ZNF883: variants seen among roughly 807,000 people sequenced by gnomAD.
The protein encoded by ZNF883 is zinc finger protein 883.
At chr9:112,996,790 CAAAAAAAAAAAAAAAAA>C (rs61714600), downstream of ZNF883, among the ~76,000 whole-genome samples, 2 of 52,106 alleles carry the variant, frequency 3.8e-5, no homozygotes, top group Admixed American at 3.3e-4. Flanking sequence ...GACTCCGTCT[CAAAAAAAAAAAAAAAAA>C]AAAAAAAAAA....
At chr9:113,001,182 A>G (rs1183974348), upstream of ZNF883, among the ~76,000 whole-genome samples, 1 of 151,194 alleles carries the variant, frequency 6.6e-6, no homozygotes, top group Admixed American at 6.6e-5. Context: ...GGAACTTAGG[A>G]TATTAGCTAC....
chr9:112,991,174 G>A (rs2093999), intron 1 of ZNF883, among the ~76,000 whole-genome samples: 51,239 of 151,842 alleles, frequency 0.34, 10,755 homozygotes, highest in African/African-American at 0.59. Context: ...TTTTTTAGTT[G>A]TGATGCTGGG....
chr9:113,000,830 CACTT>C (rs2118614597), upstream of ZNF883, among the ~76,000 whole-genome samples: 1 of 152,000 alleles, frequency 6.6e-6, no homozygotes, highest in Non-Finnish European at 1.5e-5. Flanking sequence ...ATAAGTGAAA[CACTT>C]AAGTTGAAAA....
chr9:113,007,146 A>G (rs1482531787), intron 2 of ZNF883, among the ~76,000 whole-genome samples: 1 of 152,206 alleles, frequency 6.6e-6, no homozygotes, highest in Non-Finnish European at 1.5e-5. Flanking sequence ...GTGAGCTGAG[A>G]TCGTGCCACT....
intron 2 of ZNF883, among the ~76,000 whole-genome samples, chr9:113,009,515 T>G (rs1349086915): frequency 4.7e-5 from 5 of 106,522 alleles, no homozygotes; most frequent in Non-Finnish European, 8.8e-5. Flanking sequence ...CTCATATTCC[T>G]TTTTTTTTTT....
In ZNF883 at chr9:112,997,951, T is replaced by C. The variant is rs563449439; in HGVS notation, n.309A>G. On this transcript the variant is annotated non_coding_transcript_exon_variant, in exon 1 of 1. Transcript: ENST00000639662. The stretch of plus-strand genomic sequence containing the variant: ...GGGATGACCTATGACTAAAGGTTTT[T>C]TCACATTCATTACACTCATAAGGTT... 12 of 1,613,856 alleles carry C rather than the reference T, an allele frequency of 7.4e-6. No homozygotes were observed. The Admixed American group carries it at 1.3e-4, about 18-fold the overall frequency.
downstream of ZNF883, among the ~76,000 whole-genome samples, chr9:112,993,485 C>T (rs138420870): frequency 1.2e-4 from 19 of 152,286 alleles, no homozygotes; most frequent in Non-Finnish European, 2.1e-4. Flanking sequence ...CTCCTGTATA[C>T]GGTGTCTGGT....
At chr9:112,997,473 T>C in exon 1 of ZNF883, 1 of 1,614,162 alleles carries the variant, frequency 6.2e-7, no homozygotes, top group Non-Finnish European at 8.5e-7. Flanking sequence ...ACATAGGGCT[T>C]CTCTCCAGTA....
In ZNF883 at chr9:112,997,173, A is replaced by T. The variant is rs375486425; in HGVS notation, n.1087T>A. On this transcript the variant is annotated non_coding_transcript_exon_variant, in exon 1 of 1. Transcript: ENST00000639662. ...TGAGTTTTCTGATGTCGAATTAAGG[A>T]TGTACTATGACAAAAGACATCACCA... The T allele has an allele frequency of 3.7e-6, 6 of 1,612,688 alleles. No homozygotes were observed. In the African/African-American group the frequency reaches 6.7e-5, roughly 18 times the overall value.
At chr9:113,006,423 C>T (rs1161361838) in intron 2 of ZNF883, among the ~76,000 whole-genome samples, 2 of 152,188 alleles carry the variant, frequency 1.3e-5, no homozygotes, top group East Asian at 3.8e-4. Flanking sequence ...TGGGGTGGCC[C>T]TGCTCTGCCT....
intron 2 of ZNF883, among the ~76,000 whole-genome samples, chr9:113,010,036 T>A (rs1416490921): frequency 1.3e-5 from 2 of 152,250 alleles, no homozygotes; most frequent in African/African-American, 4.8e-5. Flanking sequence ...TTGAGGAACA[T>A]CTGTGTTTAC....
intron 2 of ZNF883, among the ~76,000 whole-genome samples, chr9:113,008,800 A>G (rs2118628256): frequency 6.6e-6 from 1 of 152,120 alleles, no homozygotes; most frequent in East Asian, 1.9e-4. Context: ...CCATTTCTCC[A>G]TAGTAACAGG....
Position 112,991,050 on chromosome 9 carries a change from C to T in ZNF883, n.310-7471G>A, listed in dbSNP as rs1293702223. On this transcript the variant is annotated intron_variant and non_coding_transcript_variant, in intron 1 of 9. Coordinates refer to the ZNF883 transcript ENST00000638823. ...TCTATTTTATTAGTTTTTTCAAAAA[C>T]CAGCTCCTGGATTCATTGATTTTTT... Among the ~76,000 whole-genome samples, 5 of 151,946 alleles carry T rather than the reference C, an allele frequency of 3.3e-5. No individual in the cohort carries two copies. The South Asian group carries it at 6.2e-4, about 19-fold the overall frequency.
intron 1 of ZNF883, among the ~76,000 whole-genome samples, chr9:112,990,797 G>A (rs1160896266): frequency 2.0e-5 from 3 of 151,970 alleles, no homozygotes; most frequent in African/African-American, 7.3e-5. Context: ...TTCAGAACTC[G>A]TTATTGGTCT....
At chr9:112,991,244 T>G (rs1226881410) in intron 1 of ZNF883, among the ~76,000 whole-genome samples, 1 of 152,176 alleles carries the variant, frequency 6.6e-6, no homozygotes, top group Non-Finnish European at 1.5e-5. Flanking sequence ...AAATTTTCCT[T>G]TTAACATTGC....
chr9:113,003,558 G>A (rs370971060), intron 2 of ZNF883, among the ~76,000 whole-genome samples: 1 of 149,076 alleles, frequency 6.7e-6, no homozygotes, highest in East Asian at 2.0e-4. Context: ...GACTTAAGCG[G>A]TCTAACATAT....
chr9:113,008,406 G>A (rs1828499309), intron 2 of ZNF883, among the ~76,000 whole-genome samples: 1 of 150,794 alleles, frequency 6.6e-6, no homozygotes, highest in South Asian at 2.2e-4. Context: ...TAGAGTAACA[G>A]GAAGAAATAT....
chr9:112,998,407 T>C (rs1448365973), upstream of ZNF883: 4 of 636,606 alleles, frequency 6.3e-6, no homozygotes, highest in Non-Finnish European at 9.2e-6. Context: ...TTTTCATTCA[T>C]GAGTTTCTTT....
chr9:112,990,424 T>C (rs1828290838), intron 1 of ZNF883, among the ~76,000 whole-genome samples: 2 of 152,250 alleles, frequency 1.3e-5, no homozygotes, highest in Admixed American at 6.5e-5. Context: ...ATTTATTGAC[T>C]TGCATATGTT....
Sources: gnomAD v4.1 joint callset for allele counts (sites outside exome capture counted in the v4.1 genomes callset) on GRCh38, gnomAD v4.1.1 for gene constraint, MANE v1.5 for transcripts, NCBI Gene and HGNC (gene_info 2026-07-23, HGNC 2026-07-21) for gene names.